The following DNAJC1 variants were observed in gnomAD, a reference collection of about 807,000 sequenced individuals.
DNAJC1 encodes DnaJ heat shock protein family (Hsp40) member C1.
In DNAJC1, 58 loss-of-function variants were observed where a neutral mutation model predicts 76.6. The observed-to-expected ratio is 0.76, with a 90% CI of 0.61 to 0.94. DNAJC1 has a LOEUF of 0.94. DNAJC1 is among the 40% of genes least tolerant of loss of function. The pLI is 0.00. For missense variants in DNAJC1, 689 were observed against 677.3 expected (o/e 1.02, Z -0.19); for synonymous variants, 258 against 267.9 (o/e 0.96, Z 0.36).
At chr10:21,969,223 CAAA>C (rs561143181) in intron 1 of DNAJC1, among the ~76,000 whole-genome samples, 30 of 87,032 alleles carry the variant, frequency 3.4e-4, no homozygotes, top group Non-Finnish European at 5.4e-4. Flanking sequence ...GACTCCATTT[CAAA>C]AAAAAAAAAA....
At chr10:21,998,154 G>A (rs1590086339) in intron 1 of DNAJC1, among the ~76,000 whole-genome samples, 2 of 152,084 alleles carry the variant, frequency 1.3e-5, no homozygotes, top group Admixed American at 1.3e-4. Context: ...ACTTTGGGAG[G>A]CCGAGGTGGG....
chr10:21,966,737 G>A (rs1272377061), intron 1 of DNAJC1, among the ~76,000 whole-genome samples: 1 of 148,280 alleles, frequency 6.7e-6, no homozygotes, highest in Non-Finnish European at 1.5e-5. Context: ...CCAGGCTGGA[G>A]TGCAATGGCG....
At chr10:21,947,238 A>T (rs975050551) in intron 1 of DNAJC1, among the ~76,000 whole-genome samples, 13 of 152,192 alleles carry the variant, frequency 8.5e-5, no homozygotes, top group African/African-American at 2.4e-4. Flanking sequence ...GCAAGTAATT[A>T]AAAAAATCTA....
rs1835520821 is a variant in DNAJC1 at position 21,838,930 on chromosome 10, C to T, written c.979-32831G>A. On this transcript the variant is annotated intron_variant, in intron 8 of 11. Transcript: ENST00000376980. ...AGACCACAGTGCAATCAAACTAGAA[C>T]TCGGGATTAAGAAACTCACTCAAAA... Among the ~76,000 whole-genome samples the T allele has an allele frequency of 2.0e-5, 3 of 152,174 alleles. No individual in the cohort carries two copies. The South Asian group carries it at 6.2e-4, about 31-fold the overall frequency.
At chr10:21,846,216 T>A (rs532397305) in intron 8 of DNAJC1, among the ~76,000 whole-genome samples, 1 of 152,290 alleles carries the variant, frequency 6.6e-6, no homozygotes, top group African/African-American at 2.4e-5. Flanking sequence ...CTGAAGGAGT[T>A]CAAGCACAAT....
At chr10:21,935,713 C>T (rs1032511728) in intron 1 of DNAJC1, among the ~76,000 whole-genome samples, 10 of 151,676 alleles carry the variant, frequency 6.6e-5, no homozygotes, top group South Asian at 6.2e-4. Context: ...GAAAGAGTCC[C>T]GAAAGCAGCA....
At chr10:21,888,394 C>CA (rs1836402685) in intron 7 of DNAJC1, among the ~76,000 whole-genome samples, 2 of 152,226 alleles carry the variant, frequency 1.3e-5, no homozygotes, top group East Asian at 3.9e-4. Flanking sequence ...AGTATATACT[C>CA]AGAGGAGTGT....
chr10:21,889,105 AG>A (rs1307638055), intron 7 of DNAJC1, among the ~76,000 whole-genome samples: 3 of 152,216 alleles, frequency 2.0e-5, no homozygotes, highest in African/African-American at 4.8e-5. Context: ...CGGGTTGTAC[AG>A]GAAGTGTGAA....
At chr10:21,778,760 G>C (rs868224342) in intron 9 of DNAJC1, among the ~76,000 whole-genome samples, 4 of 152,186 alleles carry the variant, frequency 2.6e-5, no homozygotes, top group Non-Finnish European at 5.9e-5. Flanking sequence ...AGGACAGTGG[G>C]TGCAGCCCAC....
chr10:21,908,270 T>TTATATA (rs796675388), intron 6 of DNAJC1, among the ~76,000 whole-genome samples: 2 of 111,624 alleles, frequency 1.8e-5, no homozygotes, highest in East Asian at 2.5e-4. Flanking sequence ...TATATATATT[T>TTATATA]TATATATATA....
At position 21,800,463 on chromosome 10, in the gene DNAJC1, G is replaced by A. The variant is rs557742976; in HGVS notation, c.1098+5517C>T. Among the ~76,000 whole-genome samples, 3 of 152,250 alleles carry A rather than the reference G, an allele frequency of 2.0e-5. No homozygotes were observed. In the South Asian group the frequency reaches 6.2e-4, roughly 32 times the overall value. ...GCACACAAGCTAATAAAATAGATAT[G>A]AGTGAAAAGACAATTTTTTAAAACA... On this transcript the variant is annotated intron_variant, in intron 9 of 11. Coordinates refer to ENST00000376980, the MANE Select transcript of DNAJC1 (RefSeq NM_022365.4).
At chr10:21,941,199 G>A (rs1431243523) in intron 1 of DNAJC1, among the ~76,000 whole-genome samples, 1 of 143,012 alleles carries the variant, frequency 7.0e-6, no homozygotes, top group Non-Finnish European at 1.5e-5. Context: ...AACCCGGTAG[G>A]CAGAGCTTGC....
At chr10:21,809,226 T>C (rs1167917152) in intron 8 of DNAJC1, among the ~76,000 whole-genome samples, 2 of 152,238 alleles carry the variant, frequency 1.3e-5, no homozygotes, top group African/African-American at 2.4e-5. Context: ...TATAATTTAT[T>C]TGGCACTAAA....
At chr10:21,863,730 A>G (rs1590020999) in intron 8 of DNAJC1, among the ~76,000 whole-genome samples, 3 of 152,254 alleles carry the variant, frequency 2.0e-5, no homozygotes, top group Middle Eastern at 6.8e-3. Flanking sequence ...ATTAACAGAT[A>G]AAAGAAAAAG....
At chr10:21,852,836 C>G (rs1835778453) in intron 8 of DNAJC1, among the ~76,000 whole-genome samples, 1 of 151,768 alleles carries the variant, frequency 6.6e-6, no homozygotes, top group Non-Finnish European at 1.5e-5. Context: ...TAAAGATACA[C>G]ACACAAATGA....
chr10:22,003,317 CCAG>C lies in DNAJC1; in HGVS notation c.115_117del (p.Leu39del), dbSNP rs751051022. On this transcript the variant is annotated inframe_deletion, in exon 1 of 12. Coordinates refer to ENST00000376980, the MANE Select transcript of DNAJC1 (RefSeq NM_022365.4). Reference sequence around the variant, plus strand: ...CAGCCGCGCGCCGGCGCCACGGCGGCCAGCAGCAGCAGCAGCAGCCACAGCAGC... The same window carrying C: ...CAGCCGCGCGCCGGCGCCACGGCGGCCAGCAGCAGCAGCAGCCACAGCAGC... 1,658 of 1,495,930 alleles carry C rather than the reference CCAG, an allele frequency of 1.1e-3. No individual in the cohort carries two copies. The highest frequency in any genetic ancestry group is 4.0e-3 in the Admixed American group (184 of 46,298). The allele number at this position is 1,495,930 out of a possible 1,614,324, so 92.7% of individuals were successfully genotyped here.
intron 1 of DNAJC1, among the ~76,000 whole-genome samples, chr10:21,982,375 C>CA (rs1284933838): frequency 4.0e-5 from 6 of 149,064 alleles, no homozygotes; most frequent in South Asian, 2.1e-4. Flanking sequence ...GAGGTACAGG[C>CA]AAAAAAAAGA....
chr10:21,987,052 C>T (rs1021976822), intron 1 of DNAJC1, among the ~76,000 whole-genome samples: 4 of 152,160 alleles, frequency 2.6e-5, no homozygotes, highest in African/African-American at 9.7e-5. Context: ...AGGTGTGAGC[C>T]ACCACGCCCA....
At chr10:21,893,632 AT>A (rs940559806) in intron 7 of DNAJC1, among the ~76,000 whole-genome samples, 4 of 152,184 alleles carry the variant, frequency 2.6e-5, no homozygotes, top group East Asian at 1.9e-4. Context: ...GTTAAAAAAA[AT>A]AATAATAAAT....
Sources: allele counts gnomAD v4.1 joint callset (sites outside exome capture counted in the v4.1 genomes callset), GRCh38; gene constraint gnomAD v4.1.1; transcripts MANE v1.5; gene names NCBI Gene and HGNC (gene_info 2026-07-23, HGNC 2026-07-21).